TMCC1: variants seen among roughly 807,000 people sequenced by gnomAD.
TMCC1 encodes transmembrane and coiled-coil domains protein 1.
In TMCC1, 15 loss-of-function variants were observed where a neutral mutation model predicts 52.4. The ratio of observed to expected loss-of-function variants is 0.29; its 90% CI spans 0.19 to 0.44. The LOEUF (loss-of-function observed/expected upper bound fraction) is 0.44, where lower values mean the gene tolerates loss of function less well. TMCC1 is among the 20% of genes least tolerant of loss of function. The pLI, the probability that TMCC1 is intolerant of heterozygous loss-of-function variation, is 1.00. For missense variants in TMCC1, 503 were observed against 806.0 expected (o/e 0.62, Z 4.55); for synonymous variants, 279 against 301.9 (o/e 0.92, Z 0.79).
chr3:129,700,890 TTGACAAA>T (rs1291593029), intron 4 of TMCC1, among the ~76,000 whole-genome samples: 1 of 152,242 alleles, frequency 6.6e-6, no homozygotes, highest in Non-Finnish European at 1.5e-5. Flanking sequence ...AAGCAAATCC[TTGACAAA>T]AGATGTTCTT....
At chr3:129,771,162 C>A (rs2054549737) in intron 4 of TMCC1, among the ~76,000 whole-genome samples, 1 of 151,938 alleles carries the variant, frequency 6.6e-6, no homozygotes, top group South Asian at 2.1e-4. Flanking sequence ...CTGGTCTTGG[C>A]ATAAAGAGTG....
At chr3:129,692,592 T>C (rs1326683791) in intron 4 of TMCC1, among the ~76,000 whole-genome samples, 1 of 152,186 alleles carries the variant, frequency 6.6e-6, no homozygotes, top group Non-Finnish European at 1.5e-5. Context: ...GTCTGCTATG[T>C]GTATTTGTGA....
At chr3:129,750,380 T>TG (rs1474931365) in intron 4 of TMCC1, among the ~76,000 whole-genome samples, 14 of 151,568 alleles carry the variant, frequency 9.2e-5, no homozygotes, top group African/African-American at 3.4e-4. Context: ...TTAGTAGAGA[T>TG]GGGGTTTCAC....
intron 2 of TMCC1, among the ~76,000 whole-genome samples, chr3:129,852,790 A>C (rs1411765050): frequency 3.3e-5 from 5 of 152,244 alleles, no homozygotes; most frequent in Non-Finnish European, 7.3e-5. Context: ...CTCAAGGCCA[A>C]ACAATGCCTA....
At chr3:129,855,652 G>C (rs1231422618) in intron 2 of TMCC1, among the ~76,000 whole-genome samples, 1 of 151,976 alleles carries the variant, frequency 6.6e-6, no homozygotes, top group Non-Finnish European at 1.5e-5. Flanking sequence ...TAGCTTCCTT[G>C]GCCTAAAAAC....
In TMCC1 at chr3:129,790,863, A is replaced by G. The variant is rs147836047; in HGVS notation, c.576+36940T>C. On this transcript the variant is annotated intron_variant, in intron 4 of 6. Transcript: ENST00000393238. ...TTTATTAAATCAATGATCTTATTCA[A>G]ATCAATACCTCTCTGGCCAACGAAA... 5.3e-5 allele frequency among the ~76,000 whole-genome samples: 8 copies of G among 152,304 alleles called. No individual in the cohort carries two copies. In the East Asian group the frequency reaches 1.4e-3, roughly 26 times the overall value.
chr3:129,795,360 G>A (rs566564520), intron 4 of TMCC1, among the ~76,000 whole-genome samples: 46 of 152,176 alleles, frequency 3.0e-4, no homozygotes, highest in African/African-American at 1.1e-3. Context: ...TGAGGATAAC[G>A]TTTCATTTAA....
chr3:129,714,838 A>T (rs78645393), intron 4 of TMCC1, among the ~76,000 whole-genome samples: 2,533 of 152,300 alleles, frequency 0.017, 71 homozygotes, highest in African/African-American at 0.059. Context: ...AACAGTCTGT[A>T]TTCTCCACAT....
At chr3:129,882,011 A>G (rs573084037) in intron 1 of TMCC1, among the ~76,000 whole-genome samples, 104 of 152,284 alleles carry the variant, frequency 6.8e-4, no homozygotes, top group African/African-American at 2.3e-3. Flanking sequence ...CAACAAGAGC[A>G]AAAAACTCAA....
At chr3:129,886,845 G>A (rs1016205741) in intron 1 of TMCC1, among the ~76,000 whole-genome samples, 2 of 152,046 alleles carry the variant, frequency 1.3e-5, no homozygotes, top group African/African-American at 4.8e-5. Flanking sequence ...GCTGAGGCAG[G>A]AGAATCCCTG....
At position 129,838,731 on chromosome 3, in the gene TMCC1, T is replaced by G. The variant is rs368597385; in HGVS notation, c.-183-5905A>C. Among the ~76,000 whole-genome samples, 11 of 107,512 alleles carry G rather than the reference T, an allele frequency of 1.0e-4. 1 individual carries two copies. The highest frequency in any genetic ancestry group is 7.7e-4 in the Admixed American group (5 of 6,530). The allele number at this position is 107,512 out of a possible 152,430, so 70.5% of individuals were successfully genotyped here. A position where few individuals can be genotyped will look rare whatever the true frequency, so the allele number is the denominator to read the frequency against. ...TCGCGCCAATGCACTCTAGCCTGGG[T>G]GACAGAGCAAGACTCTGTCTCAAAA... On this transcript the variant is annotated intron_variant, in intron 2 of 6. Coordinates refer to ENST00000393238, the MANE Select transcript of TMCC1 (RefSeq NM_001017395.5).
intron 5 of TMCC1, among the ~76,000 whole-genome samples, chr3:129,664,778 T>C (rs2087320732): frequency 6.6e-6 from 1 of 152,248 alleles, no homozygotes; most frequent in Admixed American, 6.5e-5. Context: ...TTGCCACAGC[T>C]GAACTTTTCC....
In TMCC1 at chr3:129,656,039, G is replaced by A. The variant is rs558169106; in HGVS notation, c.1512-936C>T. On this transcript the variant is annotated intron_variant, in intron 5 of 6. Transcript: ENST00000393238. ...GAAATCTGGAAGATCCGAAGAGTTG[G>A]GATTCTAGAATTGATATTAAATGAG... 1.1e-4 allele frequency among the ~76,000 whole-genome samples: 16 copies of A among 152,304 alleles called. No homozygotes were observed. In the South Asian group the frequency reaches 1.9e-3, roughly 18 times the overall value.
At chr3:129,843,504 CAA>C (rs923986580) in intron 2 of TMCC1, among the ~76,000 whole-genome samples, 2 of 149,412 alleles carry the variant, frequency 1.3e-5, no homozygotes, top group African/African-American at 5.1e-5. Flanking sequence ...AAGAAATAAA[CAA>C]AGACATAAAT....
chr3:129,841,876 A>G (rs1213228370), intron 2 of TMCC1, among the ~76,000 whole-genome samples: 1 of 152,162 alleles, frequency 6.6e-6, no homozygotes, highest in African/African-American at 2.4e-5. Flanking sequence ...TGCCATGATT[A>G]TAAGTTTCCT....
At chr3:129,855,038 G>A (rs937245514) in intron 2 of TMCC1, among the ~76,000 whole-genome samples, 2 of 152,174 alleles carry the variant, frequency 1.3e-5, no homozygotes, top group African/African-American at 4.8e-5. Context: ...AAGTTCAGTT[G>A]CCAGCAATCA....
intron 2 of TMCC1, among the ~76,000 whole-genome samples, chr3:129,853,651 A>T (rs1394634812): frequency 6.6e-6 from 1 of 151,464 alleles, no homozygotes; most frequent in Non-Finnish European, 1.5e-5. Flanking sequence ...AAAAAAAAAA[A>T]TCAATAAAAT....
At position 129,650,923 on chromosome 3, in the gene TMCC1, G is replaced by A. The variant is rs962196552; in HGVS notation, c.*558C>T. On this transcript the variant is annotated 3_prime_UTR_variant, in exon 7 of 7. Coordinates refer to ENST00000393238, the MANE Select transcript of TMCC1 (RefSeq NM_001017395.5). ...AGGTTCAAAAGTGATCATACTTCCA[G>A]GATTAGCGTAAGTGGCCAACTTGGG... 1 of 155,778 alleles carries A rather than the reference G, an allele frequency of 6.4e-6. No individual in the cohort carries two copies. The highest frequency in any genetic ancestry group is 2.4e-5 in the African/African-American group (1 of 41,428). The allele number at this position is 155,778 out of a possible 1,614,324, so 9.6% of individuals were successfully genotyped here.
At chr3:129,751,062 G>A (rs1385301377) in intron 4 of TMCC1, among the ~76,000 whole-genome samples, 1 of 151,976 alleles carries the variant, frequency 6.6e-6, no homozygotes, top group Non-Finnish European at 1.5e-5. Flanking sequence ...TTAGCCAGAT[G>A]TGGTGGCACA....
Sources: gnomAD v4.1 joint callset for allele counts (sites outside exome capture counted in the v4.1 genomes callset) on GRCh38, gnomAD v4.1.1 for gene constraint, MANE v1.5 for transcripts, NCBI Gene and HGNC (gene_info 2026-07-23, HGNC 2026-07-21) for gene names.